Variants in AHCYL2 observed in about 807,000 individuals in gnomAD.
AHCYL2 encodes S-adenosylhomocysteine hydrolase-like protein 2.
Under a neutral mutation model 81.4 loss-of-function variants are expected in AHCYL2, and 28 were observed. The observed-to-expected ratio is 0.34, with a 90% CI of 0.25 to 0.47. The LOEUF (loss-of-function observed/expected upper bound fraction) is 0.47, where lower values mean the gene tolerates loss of function less well. Ranked by LOEUF, AHCYL2 falls within the 20% of genes least tolerant of loss-of-function variation. The pLI is 1.00. For synonymous variants in AHCYL2, 272 were observed against 290.2 expected (o/e 0.94, Z 0.64); for missense variants, 551 against 785.1 (o/e 0.70, Z 3.56).
rs143155624 is a variant in AHCYL2, at chr7:129,268,092, A to C, written c.363+42653A>C. Among the ~76,000 whole-genome samples the C allele has an allele frequency of 2.8e-3, 432 of 152,256 alleles. 14 individuals are homozygous for C. The South Asian group carries it at 0.05, about 17-fold the overall frequency. On this transcript the variant is annotated intron_variant, in intron 1 of 16. Transcript: ENST00000325006. ...TTTACTCCTAGTTCTACTAGGAGTA[A>C]ACGTAGTAGTTTAAACTAGTAATTA...
At chr7:129,421,272 T>C (rs947830376) in intron 12 of AHCYL2, among the ~76,000 whole-genome samples, 2 of 151,054 alleles carry the variant, frequency 1.3e-5, no homozygotes, top group African/African-American at 2.4e-5. Context: ...AAAAGAATAG[T>C]GAATGGTTTT....
chr7:129,245,065 C>T (rs1795000424), intron 1 of AHCYL2, among the ~76,000 whole-genome samples: 1 of 148,092 alleles, frequency 6.8e-6, no homozygotes, highest in South Asian at 2.1e-4. Flanking sequence ...CACTCTGTTG[C>T]CCAGGCTGGA....
At chr7:129,313,936 C>T (rs1797748820) in intron 1 of AHCYL2, among the ~76,000 whole-genome samples, 1 of 152,100 alleles carries the variant, frequency 6.6e-6, no homozygotes, top group Admixed American at 6.5e-5. Context: ...ATGTTAGATT[C>T]CAGAAATGTA....
chr7:129,226,394 CAG>C (rs1563157093), intron 1 of AHCYL2, among the ~76,000 whole-genome samples: 1 of 152,192 alleles, frequency 6.6e-6, no homozygotes, highest in Non-Finnish European at 1.5e-5. Flanking sequence ...CACAGAAAAA[CAG>C]GGCAAGTATT....
chr7:129,363,629 C>G (rs570299731), intron 1 of AHCYL2, among the ~76,000 whole-genome samples: 2 of 152,254 alleles, frequency 1.3e-5, no homozygotes, highest in African/African-American at 4.8e-5. Flanking sequence ...CTCTGCCTCC[C>G]AGGTTCAAGC....
intron 1 of AHCYL2, among the ~76,000 whole-genome samples, chr7:129,349,409 G>T (rs73232765): frequency 7.2e-6 from 1 of 138,066 alleles, no homozygotes; most frequent in Admixed American, 8.1e-5. Context: ...TGAGGCGAGA[G>T]AATCACCTGA....
intron 1 of AHCYL2, among the ~76,000 whole-genome samples, chr7:129,242,752 A>G (rs1225667080): frequency 1.3e-5 from 2 of 151,446 alleles, no homozygotes; most frequent in East Asian, 3.9e-4. Flanking sequence ...TGGTATGTTA[A>G]TTTATATCAG....
At chr7:129,340,729 T>A (rs2150815661) in intron 1 of AHCYL2, among the ~76,000 whole-genome samples, 1 of 152,296 alleles carries the variant, frequency 6.6e-6, no homozygotes, top group East Asian at 1.9e-4. Context: ...AAATTATGAA[T>A]TGTTGAATTT....
chr7:129,228,584 G>T (rs1794309361), intron 1 of AHCYL2, among the ~76,000 whole-genome samples: 1 of 152,240 alleles, frequency 6.6e-6, no homozygotes, highest in Admixed American at 6.5e-5. Context: ...GTTCCACAGG[G>T]AATGAGGTAG....
intron 1 of AHCYL2, among the ~76,000 whole-genome samples, chr7:129,279,383 A>G (rs1424238434): frequency 6.6e-6 from 1 of 152,088 alleles, no homozygotes; most frequent in Admixed American, 6.5e-5. Context: ...TCCCAACCTC[A>G]GGTGATCCCC....
chr7:129,233,207 C>T (rs1289825963), intron 1 of AHCYL2, among the ~76,000 whole-genome samples: 1 of 152,124 alleles, frequency 6.6e-6, no homozygotes, highest in Admixed American at 6.6e-5. Flanking sequence ...TTTACTGAGA[C>T]AAGGTCTCCC....
intron 2 of AHCYL2, among the ~76,000 whole-genome samples, chr7:129,386,598 G>T (rs1033034377): frequency 6.6e-6 from 1 of 152,132 alleles, no homozygotes; most frequent in African/African-American, 2.4e-5. Context: ...ATAGAGAAGT[G>T]GTGTAAAGAT....
At chr7:129,265,528 G>A (rs1171511771) in intron 1 of AHCYL2, among the ~76,000 whole-genome samples, 1 of 152,154 alleles carries the variant, frequency 6.6e-6, no homozygotes, top group Non-Finnish European at 1.5e-5. Context: ...GAGGGGGTGT[G>A]TGTGGGTGAA....
chr7:129,244,524 G>A (rs150717670), intron 1 of AHCYL2, among the ~76,000 whole-genome samples: 108 of 152,292 alleles, frequency 7.1e-4, no homozygotes, highest in African/African-American at 2.4e-3. Flanking sequence ...CAGATTCAAT[G>A]TCTGGTGTGG....
chr7:129,328,078 A>G (rs1241467607), intron 1 of AHCYL2, among the ~76,000 whole-genome samples: 1 of 151,790 alleles, frequency 6.6e-6, no homozygotes, highest in Non-Finnish European at 1.5e-5. Flanking sequence ...GATTGCAGGC[A>G]TGAGGCACCA....
chr7:129,302,926 G>A (rs1797302367), intron 1 of AHCYL2, among the ~76,000 whole-genome samples: 1 of 152,064 alleles, frequency 6.6e-6, no homozygotes, highest in Non-Finnish European at 1.5e-5. Flanking sequence ...GAGTAAGATT[G>A]GTGTTAGTTC....
chr7:129,278,128 A>G (rs888649745), intron 1 of AHCYL2, among the ~76,000 whole-genome samples: 1 of 152,142 alleles, frequency 6.6e-6, no homozygotes, highest in Non-Finnish European at 1.5e-5. Flanking sequence ...ATAGTATTTC[A>G]TTGTGGTTTT....
intron 1 of AHCYL2, among the ~76,000 whole-genome samples, chr7:129,236,757 T>G (rs1794659203): frequency 6.6e-6 from 1 of 152,358 alleles, no homozygotes; most frequent in East Asian, 1.9e-4. Context: ...TTTCCATCTT[T>G]GGGGGAAAGT....
chr7:129,273,768 A>G (rs568102694), intron 1 of AHCYL2, among the ~76,000 whole-genome samples: 2 of 152,362 alleles, frequency 1.3e-5, no homozygotes, highest in African/African-American at 4.8e-5. Context: ...GTTTTCTCAC[A>G]GTAGCCTCAC....
Sources: allele counts gnomAD v4.1 joint callset (sites outside exome capture counted in the v4.1 genomes callset), GRCh38; gene constraint gnomAD v4.1.1; transcripts MANE v1.5; gene names NCBI Gene and HGNC (gene_info 2026-07-23, HGNC 2026-07-21).